The following STK32C variants were observed in gnomAD, a reference collection of about 807,000 sequenced individuals.
The protein encoded by STK32C is serine/threonine-protein kinase 32C.
STK32C carries 31 observed loss-of-function variants against 56.5 expected under a neutral mutation model. The ratio of observed to expected loss-of-function variants is 0.55; its 90% confidence interval spans 0.41 to 0.74. STK32C has a LOEUF of 0.74. STK32C is among the 30% of genes least tolerant of loss of function. The pLI is 0.00. For missense variants in STK32C, 544 were observed against 676.9 expected (o/e 0.80, Z 2.18); for synonymous variants, 309 against 289.4 (o/e 1.07, Z -0.69).
intron 1 of STK32C, among the ~76,000 whole-genome samples, chr10:132,328,906 C>T (rs765150101): frequency 4.6e-5 from 7 of 152,208 alleles, no homozygotes; most frequent in African/African-American, 1.7e-4. Flanking sequence ...CCAAGCATGA[C>T]CCCAAAAGGC....
chr10:132,241,385 C>T (rs949077743), intron 2 of STK32C, among the ~76,000 whole-genome samples: 1 of 152,206 alleles, frequency 6.6e-6, no homozygotes, highest in Non-Finnish European at 1.5e-5. Context: ...CTGTTAGTCA[C>T]GGCAGCAAAA....
intron 1 of STK32C, among the ~76,000 whole-genome samples, chr10:132,267,734 CGT>C (rs1234187299): frequency 9.3e-5 from 10 of 107,292 alleles, no homozygotes; most frequent in South Asian, 6.5e-4. Context: ...TGTCCCACAT[CGT>C]GTGTGTGTGT....
chr10:132,216,305 A>T (rs555738521), intron 10 of STK32C, among the ~76,000 whole-genome samples: 1 of 152,198 alleles, frequency 6.6e-6, no homozygotes, highest in Admixed American at 6.5e-5. Context: ...CTCTACTAAA[A>T]ATACAAAAAT....
At chr10:132,249,576 G>A (rs374731423) in intron 1 of STK32C, among the ~76,000 whole-genome samples, 25 of 152,252 alleles carry the variant, frequency 1.6e-4, no homozygotes, top group East Asian at 1.2e-3. Flanking sequence ...CCCAGACCCC[G>A]CAAGGTGAGT....
rs767412928 is a variant in STK32C at position 132,208,108 on chromosome 10, G to A, written c.1363C>T (p.Pro455Ser). The stretch of plus-strand genomic sequence containing the variant: ...GGCTCCGCAGCATCCCTGGACTCAG[G>A]GGCGGGGAGAGGCTCCCTCGGGAGG... The part of the protein sequence containing the change: ...QDLPREPLPA[P>S]ESRDAAEPVE... The change falls in exon 12 of 12, where the codon CCT becomes TCT. Residue 455 changes from proline to serine, a missense_variant. Physicochemically the swap from Pro to Ser is moderately conservative, Grantham distance 74. Transcript: ENST00000298630. The A allele has an allele frequency of 1.7e-5, 22 of 1,311,020 alleles. No homozygotes were observed. The highest frequency in any genetic ancestry group is 2.1e-5 in the Non-Finnish European group (21 of 1,021,460). 81.2% of individuals were successfully genotyped at this position (1,311,020 alleles called of 1,614,324 possible).
At chr10:132,232,315 C>T (rs1453609755) in intron 2 of STK32C, among the ~76,000 whole-genome samples, 2 of 152,158 alleles carry the variant, frequency 1.3e-5, no homozygotes, top group African/African-American at 2.4e-5. Flanking sequence ...TTGATTAAGT[C>T]AATCACATCA....
At chr10:132,306,205 G>A (rs1054148831) in intron 1 of STK32C, among the ~76,000 whole-genome samples, 1 of 152,212 alleles carries the variant, frequency 6.6e-6, no homozygotes, top group Non-Finnish European at 1.5e-5. Flanking sequence ...AGAGCAGCCA[G>A]CTCTTGGCTG....
intron 1 of STK32C, among the ~76,000 whole-genome samples, chr10:132,285,008 C>T (rs1174553075): frequency 5.3e-5 from 7 of 132,648 alleles, no homozygotes; most frequent in African/African-American, 8.7e-5. Flanking sequence ...GGCATGAACC[C>T]GGAACACATT....
chr10:132,296,822 C>T (rs1289198887), intron 1 of STK32C, among the ~76,000 whole-genome samples: 13 of 152,194 alleles, frequency 8.5e-5, no homozygotes, highest in African/African-American at 1.4e-4. Flanking sequence ...ATGTCCCAGG[C>T]GACCCCGGGG....
chr10:132,242,981 G>A (rs2063558649), intron 2 of STK32C, among the ~76,000 whole-genome samples: 1 of 152,124 alleles, frequency 6.6e-6, no homozygotes, highest in Admixed American at 6.5e-5. Context: ...CCAGAGATGG[G>A]GCCCACCTTA....
At chr10:132,282,957 G>A (rs1210329258) in intron 1 of STK32C, among the ~76,000 whole-genome samples, 1 of 152,230 alleles carries the variant, frequency 6.6e-6, no homozygotes, top group Non-Finnish European at 1.5e-5. Flanking sequence ...GGGTCGGGGA[G>A]GCTGGCCCTG....
intron 1 of STK32C, chr10:132,249,053 A>G (rs934249867): frequency 2.1e-6 from 1 of 476,394 alleles, no homozygotes; most frequent in Non-Finnish European, 4.2e-6. Context: ...CGACTGTGCG[A>G]CGGAGGCGGC....
chr10:132,210,597 C>T (rs759242437), intron 10 of STK32C, among the ~76,000 whole-genome samples: 21 of 152,230 alleles, frequency 1.4e-4, no homozygotes, highest in Non-Finnish European at 2.5e-4. Context: ...CTCTGGACAC[C>T]CTGTAAACCC....
chr10:132,279,105 G>T (rs1048944975), intron 1 of STK32C, among the ~76,000 whole-genome samples: 1 of 152,174 alleles, frequency 6.6e-6, no homozygotes, highest in African/African-American at 2.4e-5. Flanking sequence ...TAGCAACAGT[G>T]ATCAATAGTC....
At chr10:132,260,923 G>A (rs1402407412) in intron 1 of STK32C, among the ~76,000 whole-genome samples, 2 of 152,222 alleles carry the variant, frequency 1.3e-5, no homozygotes, top group South Asian at 2.1e-4. Flanking sequence ...CCAGAACCCC[G>A]TCAGGACGCT....
intron 2 of STK32C, among the ~76,000 whole-genome samples, chr10:132,230,103 C>G (rs1442240066): frequency 6.6e-6 from 1 of 152,196 alleles, no homozygotes; most frequent in East Asian, 1.9e-4. Flanking sequence ...TGCAGGCAGC[C>G]CGAGAACAGA....
intron 10 of STK32C, among the ~76,000 whole-genome samples, chr10:132,215,462 T>TA (rs2062441370): frequency 6.7e-6 from 1 of 150,154 alleles, no homozygotes; most frequent in Non-Finnish European, 1.5e-5. Flanking sequence ...GTTGTCATGA[T>TA]AGTGAATGAG....
intron 1 of STK32C, among the ~76,000 whole-genome samples, chr10:132,275,185 G>A (rs1251581525): frequency 6.6e-6 from 1 of 152,212 alleles, no homozygotes; most frequent in Non-Finnish European, 1.5e-5. Context: ...GCCATGGGAG[G>A]TCCGGCATCC....
chr10:132,223,549 T>G (rs1023181660), intron 8 of STK32C, among the ~76,000 whole-genome samples: 1 of 152,182 alleles, frequency 6.6e-6, no homozygotes, highest in East Asian at 1.9e-4. Flanking sequence ...ACGCAGGCCC[T>G]CTCTAGCCCA....
Sources: gnomAD v4.1 joint callset for allele counts (sites outside exome capture counted in the v4.1 genomes callset) on GRCh38, gnomAD v4.1.1 for gene constraint, MANE v1.5 for transcripts, NCBI Gene and HGNC (gene_info 2026-07-23, HGNC 2026-07-21) for gene names.